The following CRACD variants were observed in gnomAD, a reference collection of about 807,000 sequenced individuals.
CRACD encodes the protein capping protein-inhibiting regulator of actin dynamics.
In CRACD, 56 loss-of-function variants were observed where a neutral mutation model predicts 106.8. That is an observed-to-expected ratio of 0.52 (90% confidence interval 0.42 to 0.66). CRACD has a LOEUF of 0.66. CRACD is among the 30% of genes least tolerant of loss of function. CRACD has a pLI of 0.00. For missense variants in CRACD, 1,730 were observed against 1,623.2 expected, an observed-to-expected ratio of 1.07 and a Z score of -1.13; for synonymous variants, 754 against 670.8, an observed-to-expected ratio of 1.12 and a Z score of -1.92.
At chr4:56,234,449 T>C (rs940803701) in intron 2 of CRACD, among the ~76,000 whole-genome samples, 1 of 152,186 alleles carries the variant, frequency 6.6e-6, no homozygotes, top group Non-Finnish European at 1.5e-5. Context: ...TGTGGATCTA[T>C]ATAACATCTT....
intron 5 of CRACD, among the ~76,000 whole-genome samples, chr4:56,308,580 A>G (rs1169715861): frequency 1.3e-5 from 2 of 152,188 alleles, no homozygotes; most frequent in Non-Finnish European, 2.9e-5. Flanking sequence ...CTCAGAAGAA[A>G]TCATGCATTA....
chr4:56,235,565 G>C (rs920881878), intron 2 of CRACD, among the ~76,000 whole-genome samples: 2 of 152,170 alleles, frequency 1.3e-5, no homozygotes, highest in African/African-American at 4.8e-5. Flanking sequence ...CAAGTGTACA[G>C]TCTCTCAGGA....
chr4:56,323,623 C>G, intron 9 of CRACD, 56 bp downstream of exon 9: 1 of 1,443,194 alleles, frequency 6.9e-7, no homozygotes, highest in Non-Finnish European at 9.2e-7. Flanking sequence ...GTTCTCTTTT[C>G]AGTCACAAGG....
At chr4:56,124,608 T>C (rs1005912993) in intron 1 of CRACD, among the ~76,000 whole-genome samples, 1 of 152,238 alleles carries the variant, frequency 6.6e-6, no homozygotes, top group African/African-American at 2.4e-5. Context: ...TGTCTTTTTA[T>C]AGTTGCTTTG....
intron 1 of CRACD, among the ~76,000 whole-genome samples, chr4:56,100,271 A>G (rs1326813138): frequency 6.6e-6 from 1 of 152,154 alleles, no homozygotes; most frequent in Non-Finnish European, 1.5e-5. Flanking sequence ...GGGTGGAAAG[A>G]CAACTATTTA....
chr4:56,141,588 CT>C (rs1478543556), intron 1 of CRACD, among the ~76,000 whole-genome samples: 1 of 150,530 alleles, frequency 6.6e-6, no homozygotes, highest in Non-Finnish European at 1.5e-5. Flanking sequence ...CAGAGTGAGA[CT>C]CTGTCTCAAA....
chr4:56,123,804 A>T (rs1734569462), intron 1 of CRACD, among the ~76,000 whole-genome samples: 1 of 152,184 alleles, frequency 6.6e-6, no homozygotes, highest in African/African-American at 2.4e-5. Flanking sequence ...AGTTCTAGAG[A>T]TGCTGGAACC....
chr4:56,105,897 G>A (rs1303448283), intron 1 of CRACD, among the ~76,000 whole-genome samples: 2 of 151,380 alleles, frequency 1.3e-5, no homozygotes, highest in African/African-American at 4.8e-5. Flanking sequence ...CTTTTGGTTG[G>A]AGCTGGCCTT....
At chr4:56,188,711 C>CACAG (rs1446016845) in intron 2 of CRACD, among the ~76,000 whole-genome samples, 269 of 113,090 alleles carry the variant, frequency 2.4e-3, no homozygotes, top group Middle Eastern at 0.019. Flanking sequence ...CACACACACA[C>CACAG]AGAGAGAGAG....
chr4:56,181,950 C>G (rs1165323729), intron 2 of CRACD, among the ~76,000 whole-genome samples: 3 of 152,294 alleles, frequency 2.0e-5, no homozygotes, highest in Non-Finnish European at 4.4e-5. Flanking sequence ...CTTCAGCTTA[C>G]TTTTTGGGGG....
intron 1 of CRACD, among the ~76,000 whole-genome samples, chr4:56,137,340 C>T (rs1735037211): frequency 6.6e-6 from 1 of 152,026 alleles, no homozygotes; most frequent in African/African-American, 2.4e-5. Context: ...ATCGTATATG[C>T]AGTCTCTTGT....
chr4:56,065,333 C>G (rs2109790265), intron 1 of CRACD, among the ~76,000 whole-genome samples: 1 of 152,220 alleles, frequency 6.6e-6, no homozygotes, highest in East Asian at 1.9e-4. Context: ...GGTGATCCAC[C>G]CACCTCAGCC....
chr4:56,109,951 CTGCAAGGACA>C (rs1430235690), intron 1 of CRACD, among the ~76,000 whole-genome samples: 1 of 152,062 alleles, frequency 6.6e-6, no homozygotes, highest in African/African-American at 2.4e-5. Flanking sequence ...TTTCAGAAAA[CTGCAAGGACA>C]TGCATTTTAT....
chr4:56,262,214 G>T (rs922730117), intron 2 of CRACD, among the ~76,000 whole-genome samples: 1 of 152,220 alleles, frequency 6.6e-6, no homozygotes, highest in Admixed American at 6.5e-5. Context: ...GTGATGGAAG[G>T]AGAGTCATCT....
intron 6 of CRACD, chr4:56,311,015 T>C (rs759641373): frequency 1.0e-5 from 4 of 401,048 alleles, no homozygotes; most frequent in South Asian, 2.9e-5. Flanking sequence ...CAAAGGATCA[T>C]GTACTTCAAG....
intron 1 of CRACD, among the ~76,000 whole-genome samples, chr4:56,143,852 AT>A (rs1295768463): frequency 6.6e-6 from 1 of 152,204 alleles, no homozygotes; most frequent in Non-Finnish European, 1.5e-5. Flanking sequence ...GGTGAGCAAG[AT>A]TATGAGATCT....
intron 2 of CRACD, among the ~76,000 whole-genome samples, chr4:56,197,322 T>C (rs770143515): frequency 2.0e-5 from 3 of 152,158 alleles, no homozygotes; most frequent in Non-Finnish European, 4.4e-5. Context: ...CTGTGGGGTA[T>C]TTTTTGCTCT....
At chr4:56,065,718 A>C (rs1732446183) in intron 1 of CRACD, among the ~76,000 whole-genome samples, 2 of 152,114 alleles carry the variant, frequency 1.3e-5, no homozygotes, top group South Asian at 4.1e-4. Flanking sequence ...ACCCATTTTT[A>C]AGTGTACTAT....
chr4:56,126,739 T>C (rs1231346331), intron 1 of CRACD, among the ~76,000 whole-genome samples: 1 of 152,350 alleles, frequency 6.6e-6, no homozygotes. Flanking sequence ...GTTCTTCGAC[T>C]TCTAAAGCCC....
Sources: gnomAD v4.1 joint callset for allele counts (sites outside exome capture counted in the v4.1 genomes callset) on GRCh38, gnomAD v4.1.1 for gene constraint, MANE v1.5 for transcripts, NCBI Gene and HGNC (gene_info 2026-07-23, HGNC 2026-07-21) for gene names.